DYNC1I1: variants seen among roughly 807,000 people sequenced by gnomAD.
DYNC1I1 encodes the protein cytoplasmic dynein 1 intermediate chain 1.
Under a neutral mutation model 86.6 loss-of-function variants are expected in DYNC1I1, and 43 were observed. The observed-to-expected ratio is 0.50, with a 90% CI of 0.39 to 0.64. The LOEUF (loss-of-function observed/expected upper bound fraction) is 0.64, where lower values mean the gene tolerates loss of function less well. DYNC1I1 is among the 30% of genes least tolerant of loss of function. The pLI, the probability that DYNC1I1 is intolerant of heterozygous loss-of-function variation, is 0.00. For synonymous variants in DYNC1I1, 262 were observed against 283.7 expected (o/e 0.92, Z 0.77); for missense variants, 604 against 788.8 (o/e 0.77, Z 2.81).
intron 6 of DYNC1I1, among the ~76,000 whole-genome samples, chr7:95,895,186 A>G (rs975566989): frequency 6.6e-6 from 1 of 152,328 alleles, no homozygotes; most frequent in East Asian, 1.9e-4. Flanking sequence ...TGAGCTGGTC[A>G]TCGCTGGTTG....
At chr7:95,814,552 C>G (rs1044810408) in intron 4 of DYNC1I1, among the ~76,000 whole-genome samples, 10 of 152,098 alleles carry the variant, frequency 6.6e-5, no homozygotes, top group Non-Finnish European at 1.0e-4. Context: ...AAGGCATTAG[C>G]ATAAGCATTT....
At chr7:95,800,599 G>C (rs1039837432) in intron 1 of DYNC1I1, among the ~76,000 whole-genome samples, 4 of 152,166 alleles carry the variant, frequency 2.6e-5, no homozygotes, top group African/African-American at 9.7e-5. Flanking sequence ...AGCTGTGATT[G>C]CTCCTAAATC....
chr7:95,802,800 A>C (rs906010447), intron 1 of DYNC1I1: 2 of 152,146 alleles, frequency 1.3e-5, no homozygotes, highest in African/African-American at 4.8e-5. Flanking sequence ...TACAGGTATG[A>C]ACCACCACAC....
At chr7:95,877,265 T>C (rs989428900) in intron 6 of DYNC1I1, among the ~76,000 whole-genome samples, 1 of 152,152 alleles carries the variant, frequency 6.6e-6, no homozygotes, top group Non-Finnish European at 1.5e-5. Context: ...CAACACTAAC[T>C]TGAGGGATGG....
At chr7:95,866,241 A>G (rs1425223828) in intron 5 of DYNC1I1, among the ~76,000 whole-genome samples, 1 of 152,162 alleles carries the variant, frequency 6.6e-6, no homozygotes, top group Non-Finnish European at 1.5e-5. Context: ...TAACTCAGAA[A>G]CATAATCCTT....
rs1380478828 is a variant in DYNC1I1 at position 95,823,973 on chromosome 7, T to TATATAC, written c.315-4079_315-4078insCATATA. ...TAAACTATATATATATATATATATA[T>TATATAC]ATATATGTTTTGGTTTTTTGTTTTT... On this transcript the variant is annotated intron_variant, in intron 4 of 16. Transcript: ENST00000447467. 8.5e-5 allele frequency among the ~76,000 whole-genome samples: 10 copies of TATATAC among 117,280 alleles called. 1 individual carries two copies. The highest frequency in any genetic ancestry group is 5.3e-4 in the South Asian group (2 of 3,796). The allele number at this position is 117,280 out of a possible 152,430, so 76.9% of individuals were successfully genotyped here. A position where few individuals can be genotyped will look rare whatever the true frequency, so the allele number is the denominator to read the frequency against.
At chr7:95,948,360 G>A (rs1351741126) in intron 6 of DYNC1I1, among the ~76,000 whole-genome samples, 4 of 152,184 alleles carry the variant, frequency 2.6e-5, no homozygotes, top group Non-Finnish European at 4.4e-5. Context: ...CTGCCTGAAA[G>A]TGTGTACAAT....
chr7:95,961,022 A>G lies in DYNC1I1; in HGVS notation c.491-16490A>G, dbSNP rs370112910. Among the ~76,000 whole-genome samples the G allele has an allele frequency of 5.3e-5, 8 of 152,378 alleles. No individual in the cohort carries two copies. The South Asian group carries it at 6.2e-4, about 12-fold the overall frequency. On this transcript the variant is annotated intron_variant, in intron 6 of 16. Coordinates refer to ENST00000447467, the MANE Select transcript of DYNC1I1 (RefSeq NM_001135556.2). ...CACAGGGTAGCTTTAATAACTTTGT[A>G]TAATCTAATGATGTCATGCAAACAG...
At chr7:96,018,931 T>C (rs1038058787) in intron 10 of DYNC1I1, among the ~76,000 whole-genome samples, 1 of 152,164 alleles carries the variant, frequency 6.6e-6, no homozygotes, top group Non-Finnish European at 1.5e-5. Flanking sequence ...TTTCCATTTT[T>C]CTCCATGATA....
chr7:96,021,252 C>T (rs1794542456), intron 10 of DYNC1I1, among the ~76,000 whole-genome samples: 1 of 152,106 alleles, frequency 6.6e-6, no homozygotes, highest in Admixed American at 6.5e-5. Context: ...CAACTTAAGG[C>T]TTAAAGGAGT....
chr7:95,838,084 G>A (rs1789165515), intron 5 of DYNC1I1, among the ~76,000 whole-genome samples: 1 of 152,156 alleles, frequency 6.6e-6, no homozygotes, highest in African/African-American at 2.4e-5. Context: ...TGCTTTTGGT[G>A]TCATATCTAA....
At chr7:96,094,268 G>A (rs1790932230) in intron 16 of DYNC1I1, among the ~76,000 whole-genome samples, 1 of 152,126 alleles carries the variant, frequency 6.6e-6, no homozygotes, top group Admixed American at 6.5e-5. Context: ...ACATTTATAT[G>A]CAAGGTAGGA....
intron 6 of DYNC1I1, among the ~76,000 whole-genome samples, chr7:95,948,934 A>C (rs1027253184): frequency 1.3e-5 from 2 of 152,150 alleles, no homozygotes; most frequent in African/African-American, 4.8e-5. Flanking sequence ...TGTCAGGTTT[A>C]TAGGATGATG....
chr7:95,806,617 A>G (rs1324620235), intron 2 of DYNC1I1, among the ~76,000 whole-genome samples: 1 of 152,208 alleles, frequency 6.6e-6, no homozygotes, highest in Non-Finnish European at 1.5e-5. Context: ...GAAGCTTGTG[A>G]TAACTGAACT....
At chr7:96,071,737 C>T (rs539789267) in intron 14 of DYNC1I1, among the ~76,000 whole-genome samples, 5 of 152,202 alleles carry the variant, frequency 3.3e-5, no homozygotes, top group Admixed American at 6.5e-5. Context: ...ATAACATCCT[C>T]AGGATCATTA....
intron 5 of DYNC1I1, among the ~76,000 whole-genome samples, chr7:95,862,310 G>T (rs2116128488): frequency 6.6e-6 from 1 of 151,876 alleles, no homozygotes; most frequent in East Asian, 1.9e-4. Context: ...ATTTGATAAA[G>T]TTCTAATATC....
intron 6 of DYNC1I1, among the ~76,000 whole-genome samples, chr7:95,954,045 C>G (rs1792631936): frequency 6.6e-6 from 1 of 151,976 alleles, no homozygotes; most frequent in Non-Finnish European, 1.5e-5. Context: ...GGAAACAGCC[C>G]TGTGAACGCT....
chr7:96,000,061 G>T (rs1405140801), intron 10 of DYNC1I1, among the ~76,000 whole-genome samples: 1 of 151,994 alleles, frequency 6.6e-6, no homozygotes, highest in Non-Finnish European at 1.5e-5. Context: ...ACTTGCTTAT[G>T]GCCCATCTGA....
intron 5 of DYNC1I1, among the ~76,000 whole-genome samples, chr7:95,837,252 T>C (rs1325593888): frequency 6.6e-6 from 1 of 150,786 alleles, no homozygotes. Flanking sequence ...GTGCCCCTGC[T>C]GGGGGGTGCC....
Sources: gnomAD v4.1 joint callset for allele counts (sites outside exome capture counted in the v4.1 genomes callset) on GRCh38, gnomAD v4.1.1 for gene constraint, MANE v1.5 for transcripts, NCBI Gene and HGNC (gene_info 2026-07-23, HGNC 2026-07-21) for gene names.